OAS2: variants seen among roughly 807,000 people sequenced by gnomAD.
OAS2 encodes 2'-5'-oligoadenylate synthase 2.
Under a neutral mutation model 71.3 loss-of-function variants are expected in OAS2, and 67 were observed. The ratio of observed to expected loss-of-function variants is 0.94; its 90% CI spans 0.77 to 1.15. The LOEUF is 1.15. Among genes scored for constraint, OAS2 ranks in the 50% most tolerant of loss-of-function variants. OAS2 has a pLI of 0.00. For synonymous variants in OAS2, 327 were observed against 321.8 expected, an observed-to-expected ratio of 1.02 and a Z score of -0.17; for missense variants, 789 against 822.5, an observed-to-expected ratio of 0.96 and a Z score of 0.50.
chr12:113,000,795 C>G (rs1396253728), intron 5 of OAS2, among the ~76,000 whole-genome samples: 5 of 152,214 alleles, frequency 3.3e-5, no homozygotes, highest in Non-Finnish European at 1.5e-5. Flanking sequence ...ATATTCTGCC[C>G]TGTGGAAGGG....
At chr12:113,008,148 G>T (rs921300134) in intron 9 of OAS2, among the ~76,000 whole-genome samples, 2 of 152,154 alleles carry the variant, frequency 1.3e-5, no homozygotes, top group African/African-American at 2.4e-5. Flanking sequence ...GAGAAGGAAG[G>T]TTCAAGATAC....
Position 113,005,081 on chromosome 12 carries a change from T to C in OAS2, c.1327T>C (p.Trp443Arg). The C allele has an allele frequency of 6.2e-7, 1 of 1,614,124 alleles. No homozygotes were observed. The highest frequency in any genetic ancestry group is 2.2e-5 in the East Asian group (1 of 44,858). Residue 443 changes from tryptophan to arginine, a missense_variant, in exon 7 of 10, where the codon TGG becomes CGG. By Grantham distance (101) the Trp-to-Arg change is moderately radical (BLOSUM62 -3). Transcript: ENST00000392583. ...KEIHEQLKAF[W>R]REKEEELEVS... Reference sequence around the variant, plus strand: ...AATCCATGAACAGCTGAAAGCCTTTTGGAGGGAGAAGGAGGAGGAGCTTGA... The same window carrying C: ...AATCCATGAACAGCTGAAAGCCTTTCGGAGGGAGAAGGAGGAGGAGCTTGA...
Position 113,001,887 on chromosome 12 carries a change from A to AAAAAAAAAT in OAS2, c.1009-1044_1009-1043insAAAAAAATA, listed in dbSNP as rs56814612. Among the ~76,000 whole-genome samples, 4 of 110,714 alleles carry AAAAAAAAAT rather than the reference A, an allele frequency of 3.6e-5. 1 individual carries two copies. The highest frequency in any genetic ancestry group is 7.7e-5 in the African/African-American group (2 of 25,896). 72.6% of individuals were successfully genotyped at this position (110,714 alleles called of 152,430 possible). A position where few individuals can be genotyped will look rare whatever the true frequency, so the allele number is the denominator to read the frequency against. On this transcript the variant is annotated intron_variant, in intron 5 of 9. Coordinates refer to ENST00000392583, the MANE Select transcript of OAS2 (RefSeq NM_002535.3). ...ACAAAAAAAAAAAAAAAAAAAAAAA[A>AAAAAAAAAT]AGCTAGGCGTGGTGGCACAAACCTG...
Position 112,997,728 on chromosome 12 carries a change from T to C in OAS2, c.836T>C (p.Ile279Thr). 1 of 1,606,904 alleles carries C rather than the reference T, an allele frequency of 6.2e-7. No homozygotes were observed. The highest frequency in any genetic ancestry group is 8.5e-7 in the Non-Finnish European group (1 of 1,175,828). ...YNFEDETIRN[I>T]LLHQLQSARP... ...TTTGAAGATGAGACCATCAGGAACA[T>C]CCTGCTGCACCAGCTCCAATCAGCG... is the stretch of plus-strand genomic sequence containing the variant. The change falls in exon 4 of 10, where the codon ATC becomes ACC. Residue 279 changes from isoleucine (I) to threonine (T), a missense_variant. Coordinates refer to ENST00000392583, the MANE Select transcript of OAS2 (RefSeq NM_002535.3).
intron 5 of OAS2, 86 bp downstream of exon 5, chr12:112,998,496 T>A: frequency 7.0e-7 from 1 of 1,429,194 alleles, no homozygotes; most frequent in Non-Finnish European, 9.5e-7. Flanking sequence ...GAGAGTACTC[T>A]ATATTCGTTT....
At chr12:112,983,242 T>C (rs2044100128) in intron 1 of OAS2, among the ~76,000 whole-genome samples, 1 of 152,186 alleles carries the variant, frequency 6.6e-6, no homozygotes, top group Non-Finnish European at 1.5e-5. Context: ...TGTTTGTTTT[T>C]GAGATGGATT....
At chr12:112,987,402 C>A in intron 2 of OAS2, 94 bp downstream of exon 2, 17 of 1,524,756 alleles carry the variant, frequency 1.1e-5, no homozygotes, top group Non-Finnish European at 1.5e-5. Context: ...ATAGATACCA[C>A]TGCTGCTTTA....
chr12:112,990,872 C>A (rs2044185374), intron 2 of OAS2, among the ~76,000 whole-genome samples: 1 of 152,108 alleles, frequency 6.6e-6, no homozygotes, highest in Non-Finnish European at 1.5e-5. Context: ...CTGAGCTCCC[C>A]CTTCCCATCA....
chr12:112,987,981 G>A (rs2044155821), intron 2 of OAS2: 4 of 985,392 alleles, frequency 4.1e-6, no homozygotes, highest in Non-Finnish European at 4.8e-6. Flanking sequence ...ATAAAAGATG[G>A]CTAGAGTGAC....
In OAS2 at chr12:113,005,922, A is replaced by ACAACAAC. The variant is rs59094699; in HGVS notation, c.1469-491_1469-490insCAACAAC. Among the ~76,000 whole-genome samples the ACAACAAC allele has an allele frequency of 2.1e-4, 13 of 62,772 alleles. No individual in the cohort carries two copies. In the East Asian group the frequency reaches 3.0e-3, roughly 14 times the overall value. The allele number at this position is 62,772 out of a possible 152,430, so 41.2% of individuals were successfully genotyped here. ...AGCAAAAAACAACAACAACAACAAA[A>ACAACAAC]AAAAAAAAAAAAAAAAAAAAAAAAA... On this transcript the variant is annotated intron_variant, in intron 7 of 9. Transcript: ENST00000392583.
rs1413845136 is a variant in OAS2, at chr12:113,011,549, G to A, written c.*2294G>A. The A allele has an allele frequency of 6.6e-6, 1 of 152,208 alleles. No homozygotes were observed. The highest frequency in any genetic ancestry group is 2.4e-5 in the African/African-American group (1 of 41,446). The allele number at this position is 152,208 out of a possible 1,614,324, so 9.4% of individuals were successfully genotyped here. On this transcript the variant is annotated 3_prime_UTR_variant, in exon 10 of 10. Transcript: ENST00000392583. ...ATAAAAACTCTGGACAGTGAGGCTT[G>A]GGGAGCTTCCTGATTGGCAGACATT...
Position 113,011,073 on chromosome 12 carries a change from C to T in OAS2, c.*1818C>T, listed in dbSNP as rs1363591658. 2 of 149,898 alleles carry T rather than the reference C, an allele frequency of 1.3e-5. No homozygotes were observed. Among genetic ancestry groups the T allele is most frequent in the Non-Finnish European group, 3.0e-5 (2 of 67,308 alleles). The allele number at this position is 149,898 out of a possible 1,614,324, so 9.3% of individuals were successfully genotyped here. A position where few individuals can be genotyped will look rare whatever the true frequency, so the allele number is the denominator to read the frequency against. On this transcript the variant is annotated 3_prime_UTR_variant, in exon 10 of 10. Coordinates refer to ENST00000392583, the MANE Select transcript of OAS2 (RefSeq NM_002535.3). Reference sequence around the variant, plus strand: ...TTTCTCCCCCCCACCCAGGAGTATCCTCTTGCCAAATCAAAAGACTTTTTC... The same window carrying T: ...TTTCTCCCCCCCACCCAGGAGTATCTTCTTGCCAAATCAAAAGACTTTTTC...
chr12:112,988,487 C>T (rs948762172), intron 2 of OAS2: 15 of 539,492 alleles, frequency 2.8e-5, no homozygotes, highest in Admixed American at 2.5e-4. Context: ...TTTGATTGGC[C>T]GAAACTCAGT....
In OAS2 at chr12:113,010,206, G is replaced by A. The variant is rs2044368365; in HGVS notation, c.*951G>A. 1.4e-6 allele frequency: 2 copies of A among 1,396,208 alleles called. No homozygotes were observed. Among genetic ancestry groups the A allele is most frequent in the Non-Finnish European group, 1.9e-6 (2 of 1,078,908 alleles). 86.5% of individuals were successfully genotyped at this position (1,396,208 alleles called of 1,614,324 possible). A position where few individuals can be genotyped will look rare whatever the true frequency, so the allele number is the denominator to read the frequency against. ...GAAGAGGTGGCCAAGCCAACCGTGG[G>A]GTTAGCTCTAATTATTAAGATATGC... On this transcript the variant is annotated 3_prime_UTR_variant, in exon 10 of 10. Transcript: ENST00000392583.
Position 113,010,130 on chromosome 12 carries a change from GA to G in OAS2, c.*877del. On this transcript the variant is annotated 3_prime_UTR_variant, in exon 10 of 10. Transcript: ENST00000392583. Reference sequence around the variant, plus strand: ...ATCATGTGTCTTCTGCCCTAGGTGAGAACCCTTGCACTAGAGGAACCCTACA... The same window carrying G: ...ATCATGTGTCTTCTGCCCTAGGTGAGACCCTTGCACTAGAGGAACCCTACA... The G allele has an allele frequency of 8.3e-7, 1 of 1,211,332 alleles. No homozygotes were observed. The highest frequency in any genetic ancestry group is 4.1e-5 in the East Asian group (1 of 24,142). The allele number at this position is 1,211,332 out of a possible 1,614,324, so 75.0% of individuals were successfully genotyped here.
rs1039339420 is a variant in OAS2, at chr12:112,995,371, G to A, written c.524G>A (p.Gly175Asp). The A allele has an allele frequency of 6.2e-7, 1 of 1,614,102 alleles. No individual in the cohort carries two copies. The highest frequency in any genetic ancestry group is 2.2e-5 in the East Asian group (1 of 44,886). The change falls in exon 3 of 10, where the codon GGT becomes GAT. Residue 175 changes from glycine (G) to aspartate (D), a missense_variant. Physicochemically the swap from Gly to Asp is moderately conservative, Grantham distance 94 (BLOSUM62 -1). Coordinates refer to ENST00000392583, the MANE Select transcript of OAS2 (RefSeq NM_002535.3). The part of the protein sequence containing the change: ...RSLDKTNASP[G>D]EFAVCFTELQ... ...TTGGATAAGACAAATGCCAGTCCTGGTGAGTTTGCAGTCTGCTTCACTGAA... is the reference window on the plus strand; with the variant it reads ...TTGGATAAGACAAATGCCAGTCCTGATGAGTTTGCAGTCTGCTTCACTGAA...
intron 2 of OAS2, among the ~76,000 whole-genome samples, chr12:112,994,907 T>TATATATTCTGTAAATATATATGCA (rs2044221053): frequency 6.6e-6 from 1 of 152,216 alleles, no homozygotes; most frequent in Non-Finnish European, 1.5e-5. Flanking sequence ...ATATATTGCA[T>TATATATTCTGTAAATATATATGCA]GTAAAATATA....
At chr12:112,980,989 T>C (rs1049281754) in intron 1 of OAS2, among the ~76,000 whole-genome samples, 3 of 152,210 alleles carry the variant, frequency 2.0e-5, no homozygotes, top group African/African-American at 7.2e-5. Flanking sequence ...TTTTTTCATA[T>C]ACCCATTGGC....
intron 1 of OAS2, among the ~76,000 whole-genome samples, chr12:112,982,701 A>G (rs2044095340): frequency 1.3e-5 from 2 of 152,152 alleles, no homozygotes; most frequent in South Asian, 4.1e-4. Flanking sequence ...AGTGGTTAGG[A>G]GTAATTCCCT....
Sources: gnomAD v4.1 joint callset for allele counts (sites outside exome capture counted in the v4.1 genomes callset) on GRCh38, gnomAD v4.1.1 for gene constraint, MANE v1.5 for transcripts, NCBI Gene and HGNC (gene_info 2026-07-23, HGNC 2026-07-21) for gene names.